INPP4B: variants seen among roughly 807,000 people sequenced by gnomAD.
INPP4B encodes inositol polyphosphate-4-phosphatase type II B.
INPP4B carries 55 observed loss-of-function variants against 122.5 expected under a neutral mutation model. That is an observed-to-expected ratio of 0.45 (90% CI 0.36 to 0.56). The LOEUF (loss-of-function observed/expected upper bound fraction) is 0.56, where lower values mean the gene tolerates loss of function less well. INPP4B is among the 20% of genes least tolerant of loss of function. The pLI is 0.00. For missense variants in INPP4B, 1,000 were observed against 1,097.7 expected (o/e 0.91, Z 1.26); for synonymous variants, 403 against 388.7 (o/e 1.04, Z -0.43).
intron 3 of INPP4B, among the ~76,000 whole-genome samples, chr4:142,437,957 GCT>G (rs1810892650): frequency 6.6e-6 from 1 of 152,098 alleles, no homozygotes; most frequent in African/African-American, 2.4e-5. Context: ...ACAAAGAGGA[GCT>G]GGTACCATTC....
intron 2 of INPP4B, among the ~76,000 whole-genome samples, chr4:142,622,540 G>C (rs925045046): frequency 6.6e-6 from 1 of 151,948 alleles, no homozygotes; most frequent in African/African-American, 2.4e-5. Context: ...AATGCAAGAA[G>C]AGACAATGAG....
intron 2 of INPP4B, among the ~76,000 whole-genome samples, chr4:142,467,576 A>T (rs1435109876): frequency 6.6e-6 from 1 of 151,754 alleles, no homozygotes; most frequent in Admixed American, 6.6e-5. Flanking sequence ...TCACAGGTTC[A>T]TAGATGGAAG....
intron 25 of INPP4B, among the ~76,000 whole-genome samples, chr4:142,037,550 A>ATCTT (rs1744745494): frequency 6.6e-6 from 1 of 152,200 alleles, no homozygotes; most frequent in East Asian, 1.9e-4. Flanking sequence ...GAATTGAAAA[A>ATCTT]TCTTTCCTTC....
At chr4:142,342,782 CTTG>C (rs2151711914) in intron 7 of INPP4B, among the ~76,000 whole-genome samples, 1 of 152,222 alleles carries the variant, frequency 6.6e-6, no homozygotes, top group African/African-American at 2.4e-5. Context: ...TCTGAACTAT[CTTG>C]TTTACTGCCT....
chr4:142,224,305 TG>T (rs1435017516), intron 12 of INPP4B, among the ~76,000 whole-genome samples: 1 of 152,200 alleles, frequency 6.6e-6, no homozygotes, highest in African/African-American at 2.4e-5. Context: ...ATAATGTAGA[TG>T]TTTTTGATAA....
chr4:142,387,696 T>A (rs1446290506), intron 7 of INPP4B, among the ~76,000 whole-genome samples: 1 of 152,170 alleles, frequency 6.6e-6, no homozygotes, highest in Non-Finnish European at 1.5e-5. Flanking sequence ...AATCATGGTT[T>A]ATATCCTCTG....
In INPP4B at chr4:142,395,782, T is replaced by C. The variant is rs1799166402; in HGVS notation, c.372+7156A>G. 3.3e-5 allele frequency among the ~76,000 whole-genome samples: 5 copies of C among 152,000 alleles called. No homozygotes were observed. The South Asian group carries it at 1.0e-3, about 32-fold the overall frequency. Reference sequence around the variant, plus strand: ...TGAAACTTGAAGATATTATGCTGAGTGAAATGAGCTAGTCACAGAAGGATG... The same window carrying C: ...TGAAACTTGAAGATATTATGCTGAGCGAAATGAGCTAGTCACAGAAGGATG... On this transcript the variant is annotated intron_variant, in intron 7 of 25. Transcript: ENST00000262992.
At chr4:142,757,345 G>A (rs1314779375) in intron 1 of INPP4B, among the ~76,000 whole-genome samples, 1 of 152,012 alleles carries the variant, frequency 6.6e-6, no homozygotes. Flanking sequence ...ACATTCTATG[G>A]GTTTTGACAT....
intron 3 of INPP4B, among the ~76,000 whole-genome samples, chr4:142,450,482 C>T (rs1813895290): frequency 6.6e-6 from 1 of 152,190 alleles, no homozygotes; most frequent in African/African-American, 2.4e-5. Flanking sequence ...TTGACTAGAA[C>T]ATCACACTTC....
intron 18 of INPP4B, among the ~76,000 whole-genome samples, chr4:142,132,271 T>C (rs1423173791): frequency 2.0e-5 from 3 of 151,930 alleles, no homozygotes; most frequent in African/African-American, 7.3e-5. Flanking sequence ...GGAGAAGGTT[T>C]TTTTTTTTCT....
In INPP4B at chr4:142,550,621, T is replaced by TATATATATATA. The variant is rs371250535; in HGVS notation, c.-190-87896_-190-87895insTATATATATAT. Among the ~76,000 whole-genome samples the TATATATATATA allele has an allele frequency of 1.9e-3, 236 of 126,858 alleles. 1 individual carries two copies. Among genetic ancestry groups the TATATATATATA allele is most frequent in the Non-Finnish European group, 2.9e-3 (182 of 63,540 alleles). 83.2% of individuals were successfully genotyped at this position (126,858 alleles called of 152,430 possible). A position where few individuals can be genotyped will look rare whatever the true frequency, so the allele number is the denominator to read the frequency against. Reference sequence around the variant, plus strand: ...ACACACACACATATATATATATATATTTTTTTTTTTACTTTACTGGCAAGA... The same window carrying TATATATATATA: ...ACACACACACATATATATATATATATATATATATATATTTTTTTTTTACTTTACTGGCAAGA... On this transcript the variant is annotated intron_variant, in intron 2 of 25. Transcript: ENST00000262992.
intron 2 of INPP4B, among the ~76,000 whole-genome samples, chr4:142,660,518 C>T (rs1754980389): frequency 6.6e-6 from 1 of 151,968 alleles, no homozygotes; most frequent in Non-Finnish European, 1.5e-5. Context: ...TGGGACACTC[C>T]CCTCAGATGC....
At chr4:142,476,412 T>C (rs1475754891) in intron 2 of INPP4B, among the ~76,000 whole-genome samples, 2 of 152,088 alleles carry the variant, frequency 1.3e-5, no homozygotes, top group Non-Finnish European at 1.5e-5. Flanking sequence ...ATTGACACTG[T>C]AAAGGAACCA....
chr4:142,190,715 A>T (rs1835384620), intron 15 of INPP4B, among the ~76,000 whole-genome samples: 1 of 129,864 alleles, frequency 7.7e-6, no homozygotes, highest in African/African-American at 3.3e-5. Context: ...AAGATCTGTA[A>T]GAGTGTGTGT....
At chr4:142,580,148 G>C (rs1367002892) in intron 2 of INPP4B, among the ~76,000 whole-genome samples, 1 of 151,398 alleles carries the variant, frequency 6.6e-6, no homozygotes, top group Non-Finnish European at 1.5e-5. Flanking sequence ...ACCCAGGAGA[G>C]CATTGTGGTT....
At chr4:142,542,794 C>T (rs1420003467) in intron 2 of INPP4B, among the ~76,000 whole-genome samples, 1 of 152,088 alleles carries the variant, frequency 6.6e-6, no homozygotes, top group Non-Finnish European at 1.5e-5. Flanking sequence ...ACTAGATTGT[C>T]ATCTCCTAAT....
At chr4:142,356,711 A>G (rs1783727339) in intron 7 of INPP4B, among the ~76,000 whole-genome samples, 1 of 151,680 alleles carries the variant, frequency 6.6e-6, no homozygotes, top group Non-Finnish European at 1.5e-5. Flanking sequence ...TCAGTTCCTG[A>G]CATAGAGCTT....
Position 142,431,394 on chromosome 4 carries a change from C to T in INPP4B, c.-126-9G>A. On this transcript the variant is annotated splice_polypyrimidine_tract_variant and intron_variant, in intron 3 of 25. Coordinates refer to ENST00000262992, the MANE Select transcript of INPP4B (RefSeq NM_001101669.3). Reference sequence around the variant, plus strand: ...ACTCTGAAATTCTGTACCTAGGAAACATCAAAAGTTAAAATTTCAGTCATA... The same window carrying T: ...ACTCTGAAATTCTGTACCTAGGAAATATCAAAAGTTAAAATTTCAGTCATA... The T allele has an allele frequency of 3.1e-6, 2 of 649,612 alleles. No homozygotes were observed. The highest frequency in any genetic ancestry group is 5.4e-6 in the Non-Finnish European group (2 of 371,416). 40.2% of individuals were successfully genotyped at this position (649,612 alleles called of 1,614,324 possible).
At chr4:142,264,900 C>T (rs1446890732) in intron 10 of INPP4B, among the ~76,000 whole-genome samples, 2 of 151,980 alleles carry the variant, frequency 1.3e-5, no homozygotes, top group Non-Finnish European at 2.9e-5. Context: ...GGTATTCTTA[C>T]GAGAAAAGGA....
Sources: gnomAD v4.1 joint callset for allele counts (sites outside exome capture counted in the v4.1 genomes callset) on GRCh38, gnomAD v4.1.1 for gene constraint, MANE v1.5 for transcripts, NCBI Gene and HGNC (gene_info 2026-07-23, HGNC 2026-07-21) for gene names.